Variants in TXNDC5 observed in about 807,000 individuals in gnomAD.
The protein encoded by TXNDC5 is thioredoxin domain-containing protein 5.
Under a neutral mutation model 52.6 loss-of-function variants are expected in TXNDC5, and 44 were observed. The observed-to-expected ratio is 0.84, with a 90% CI of 0.66 to 1.08. The LOEUF is 1.08. Ranked by LOEUF, TXNDC5 falls within the 50% of genes least tolerant of loss-of-function variation. The pLI, the probability that TXNDC5 is intolerant of heterozygous loss-of-function variation, is 0.00. For missense variants in TXNDC5, 600 were observed against 565.5 expected, an observed-to-expected ratio of 1.06 and a Z score of -0.62; for synonymous variants, 241 against 234.4, an observed-to-expected ratio of 1.03 and a Z score of -0.26.
chr6:7,883,549 G>A lies in TXNDC5; in HGVS notation c.1177-283C>T, dbSNP rs1382135232. The stretch of plus-strand genomic sequence containing the variant: ...CGCTTTCAGTCTTTACTGTGCACAC[G>A]ATCACCTGCGGATCTGCTGAAGGTG... On this transcript the variant is annotated intron_variant, in intron 9 of 9. Transcript: ENST00000379757. 4.6e-5 allele frequency among the ~76,000 whole-genome samples: 7 copies of A among 152,156 alleles called. No homozygotes were observed. In the East Asian group the frequency reaches 5.8e-4, roughly 13 times the overall value.
intron 3 of TXNDC5, among the ~76,000 whole-genome samples, chr6:7,895,784 AG>A (rs890852176): frequency 1.4e-4 from 21 of 152,126 alleles, no homozygotes; most frequent in Non-Finnish European, 1.5e-5. Flanking sequence ...TGAGCCCAGC[AG>A]TTCAAGACCA....
At chr6:7,891,883 C>A in intron 4 of TXNDC5, 147 bp from the exon 5 acceptor site, 3 of 567,174 alleles carry the variant, frequency 5.3e-6, no homozygotes, top group Non-Finnish European at 9.3e-6. Context: ...TACAAAGGGA[C>A]TCCATCAAAT....
chr6:7,891,606 A>G lies in TXNDC5; in HGVS notation c.732+15T>C. ...AAAGCAGTCCATTTCCAGTTTAATA[A>G]GGGCTTTCACTCACCTTGCCAATCT... On this transcript the variant is annotated intron_variant, in intron 5 of 9. Coordinates refer to ENST00000379757, the MANE Select transcript of TXNDC5 (RefSeq NM_030810.5). 1.2e-6 allele frequency: 2 copies of G among 1,606,768 alleles called. No homozygotes were observed. Among genetic ancestry groups the G allele is most frequent in the Non-Finnish European group, 1.7e-6 (2 of 1,173,890 alleles).
chr6:7,885,591 CATT>C (rs1045658570), intron 8 of TXNDC5, among the ~76,000 whole-genome samples: 1 of 152,192 alleles, frequency 6.6e-6, no homozygotes, highest in African/African-American at 2.4e-5. Context: ...TCATGACACT[CATT>C]GTTTAGCCAA....
intron 3 of TXNDC5, among the ~76,000 whole-genome samples, chr6:7,897,972 G>C (rs1343742248): frequency 6.6e-6 from 1 of 152,132 alleles, no homozygotes; most frequent in Non-Finnish European, 1.5e-5. Flanking sequence ...TTTCCTGAGA[G>C]GTCTGTGGTT....
intron 5 of TXNDC5, 134 bp downstream of exon 5, chr6:7,891,487 T>C (rs1023442220): frequency 3.2e-6 from 2 of 621,392 alleles, no homozygotes; most frequent in African/African-American, 3.7e-5. Flanking sequence ...GTGAAATGAA[T>C]TATCAAGTGG....
intron 3 of TXNDC5, among the ~76,000 whole-genome samples, chr6:7,897,400 A>G (rs1465706449): frequency 6.6e-6 from 1 of 152,250 alleles, no homozygotes; most frequent in African/African-American, 2.4e-5. Context: ...TATACAGATA[A>G]AGAACTTTTT....
At position 7,901,839 on chromosome 6, in the gene TXNDC5, G is replaced by T. The variant is rs117881877; in HGVS notation, c.414-2158C>A. On this transcript the variant is annotated intron_variant, in intron 2 of 9. Transcript: ENST00000379757. ...ACAGCATGATGAAAGTTCTACTACC[G>T]TAGACAGTGTTATCAGTTGAACTGT... is the stretch of plus-strand genomic sequence containing the variant. Among the ~76,000 whole-genome samples the T allele has an allele frequency of 8.5e-5, 13 of 152,298 alleles. No individual in the cohort carries two copies. In the East Asian group the frequency reaches 2.5e-3, roughly 29 times the overall value.
Position 7,891,641 on chromosome 6 carries a change from C to A in TXNDC5, c.712G>T (p.Glu238Ter). Residue 238 changes from glutamate (E) to a stop codon, truncating the protein, a stop_gained, in exon 5 of 10, where the codon GAA (glutamate) becomes TAA (stop). Coordinates refer to ENST00000379757, the MANE Select transcript of TXNDC5 (RefSeq NM_030810.5). LOFTEE classifies it high-confidence loss of function. ...CTCACCTTGCCAATCTTGACAGTTT[C>A]GGAATGTTCAAGGCCCAGAGCCAGC... The part of the protein sequence containing the change: ...EQLALGLEHS[E>*]TVKIGKVDCT... The A allele has an allele frequency of 1.2e-6, 2 of 1,613,814 alleles. No individual in the cohort carries two copies. Among genetic ancestry groups the A allele is most frequent in the Non-Finnish European group, 1.7e-6 (2 of 1,179,812 alleles).
At chr6:7,897,051 G>A (rs1338444861) in intron 3 of TXNDC5, among the ~76,000 whole-genome samples, 1 of 152,034 alleles carries the variant, frequency 6.6e-6, no homozygotes, top group East Asian at 1.9e-4. Context: ...AGATAAACTT[G>A]TTCCCTACAT....
intron 3 of TXNDC5, among the ~76,000 whole-genome samples, chr6:7,897,263 A>C (rs1760403727): frequency 6.6e-6 from 1 of 152,224 alleles, no homozygotes; most frequent in Non-Finnish European, 1.5e-5. Context: ...GGAAATACAA[A>C]AATTGCAGTA....
chr6:7,908,057 G>A (rs528976436), intron 1 of TXNDC5, among the ~76,000 whole-genome samples: 3 of 152,192 alleles, frequency 2.0e-5, no homozygotes, highest in South Asian at 2.1e-4. Context: ...GGAAGAGGCG[G>A]GCAGAACACG....
intron 2 of TXNDC5, chr6:7,900,066 C>A: frequency 6.4e-6 from 1 of 155,470 alleles, no homozygotes; most frequent in South Asian, 2.0e-4. Context: ...CTGGAGCAGA[C>A]ACGGTGTTGT....
In TXNDC5 at chr6:7,884,348, CA is replaced by C. The variant is rs1481822915; in HGVS notation, c.1176+10del. 8.1e-6 allele frequency: 13 copies of C among 1,613,812 alleles called. No homozygotes were observed. The highest frequency in any genetic ancestry group is 1.1e-5 in the Non-Finnish European group (13 of 1,179,892). ...CTGAGAGCTCCCATAAGCATCCATC[CA>C]AGTACCCACCGAATACTTGCTGCAG... is the stretch of plus-strand genomic sequence containing the variant. On this transcript the variant is annotated intron_variant, in intron 9 of 9. Transcript: ENST00000379757.
At chr6:7,898,681 C>T (rs546571994) in intron 3 of TXNDC5, among the ~76,000 whole-genome samples, 1 of 152,218 alleles carries the variant, frequency 6.6e-6, no homozygotes, top group Admixed American at 6.5e-5. Context: ...CAGCATGACC[C>T]ACCAGGTCTA....
intron 1 of TXNDC5, among the ~76,000 whole-genome samples, chr6:7,907,809 C>A (rs962315049): frequency 1.3e-5 from 2 of 152,170 alleles, no homozygotes; most frequent in Non-Finnish European, 2.9e-5. Flanking sequence ...CCTACTTGAT[C>A]TTGCCCCTGC....
At chr6:7,893,904 T>C (rs888310575) in intron 4 of TXNDC5, among the ~76,000 whole-genome samples, 3 of 152,202 alleles carry the variant, frequency 2.0e-5, no homozygotes, top group South Asian at 2.1e-4. Context: ...GAAGCCAAAA[T>C]TGCTTTCAAG....
chr6:7,886,091 A>G, intron 7 of TXNDC5, 48 bp from the exon 8 acceptor site: 1 of 1,552,308 alleles, frequency 6.4e-7, no homozygotes, highest in Non-Finnish European at 8.9e-7. Flanking sequence ...CTTAAAGTTG[A>G]GCAGGGCCAT....
At chr6:7,883,839 T>C (rs945991808) in intron 9 of TXNDC5, among the ~76,000 whole-genome samples, 4 of 152,194 alleles carry the variant, frequency 2.6e-5, no homozygotes, top group African/African-American at 9.7e-5. Flanking sequence ...TGACAAATCT[T>C]CCAGGCCATC....
Sources: allele counts gnomAD v4.1 joint callset (sites outside exome capture counted in the v4.1 genomes callset), GRCh38; gene constraint gnomAD v4.1.1; transcripts MANE v1.5; gene names NCBI Gene and HGNC (gene_info 2026-07-23, HGNC 2026-07-21).